The following C2CD3 variants were observed in gnomAD, a reference collection of about 807,000 sequenced individuals.
C2CD3 encodes the protein C2 domain-containing protein 3.
In C2CD3, 148 loss-of-function variants were observed where a neutral mutation model predicts 234.0. That is an observed-to-expected ratio of 0.63 (90% CI 0.55 to 0.72). C2CD3 has a LOEUF of 0.72. C2CD3 is among the 30% of genes least tolerant of loss of function. C2CD3 has a pLI of 0.00. For synonymous variants in C2CD3, 1,000 were observed against 1,035.4 expected (o/e 0.97, Z 0.66); for missense variants, 2,577 against 2,811.5 (o/e 0.92, Z 1.89).
chr11:74,093,586 T>C (rs1955983893), intron 18 of C2CD3, among the ~76,000 whole-genome samples: 1 of 152,144 alleles, frequency 6.6e-6, no homozygotes, highest in Non-Finnish European at 1.5e-5. Flanking sequence ...ACTTTCACTT[T>C]CAATGTAAGT....
chr11:74,092,018 T>C lies in C2CD3; in HGVS notation c.3517+398A>G, dbSNP rs936796510. Reference sequence around the variant, plus strand: ...AAGGGATGTTTATGTATACTGTATATTTTATATATATATATGTGTGTGTGT... The same window carrying C: ...AAGGGATGTTTATGTATACTGTATACTTTATATATATATATGTGTGTGTGT... On this transcript the variant is annotated intron_variant, in intron 19 of 32. Coordinates refer to ENST00000334126, the MANE Select transcript of C2CD3 (RefSeq NM_001286577.2). 8.6e-5 allele frequency among the ~76,000 whole-genome samples: 13 copies of C among 151,830 alleles called. No homozygotes were observed. The South Asian group carries it at 1.0e-3, about 12-fold the overall frequency.
At chr11:74,084,423 AAAGTAT>A (rs139623246) in intron 22 of C2CD3, among the ~76,000 whole-genome samples, 12,194 of 136,368 alleles carry the variant, frequency 0.089, 1,316 homozygotes, top group African/African-American at 0.27. Context: ...CCTAGAACTT[AAAGTAT>A]AATAAAAAAA....
Position 74,092,344 on chromosome 11 carries a change from C to T in C2CD3, c.3517+72G>A, listed in dbSNP as rs7941525. Reference sequence around the variant, plus strand: ...TGCTGGGATTAGAGGTGTGAACCACCGCACCCGGCTATTTTATATATTTTT... The same window carrying T: ...TGCTGGGATTAGAGGTGTGAACCACTGCACCCGGCTATTTTATATATTTTT... On this transcript the variant is annotated intron_variant, in intron 19 of 32. Transcript: ENST00000334126. The T allele has an allele frequency of 0.19, 263,472 of 1,410,754 alleles. 26,087 individuals are homozygous for T. Among genetic ancestry groups the T allele is most frequent in the East Asian group, 0.29 (12,161 of 42,602 alleles). 87.4% of individuals were successfully genotyped at this position (1,410,754 alleles called of 1,614,324 possible).
At chr11:74,030,825 G>GTGC (rs1165145207) in intron 31 of C2CD3, among the ~76,000 whole-genome samples, 1 of 152,144 alleles carries the variant, frequency 6.6e-6, no homozygotes. Context: ...ACCTGTCTAT[G>GTGC]TGCTGTTTCC....
intron 24 of C2CD3, among the ~76,000 whole-genome samples, chr11:74,063,576 C>T (rs1482333902): frequency 6.6e-6 from 1 of 152,194 alleles, no homozygotes; most frequent in East Asian, 1.9e-4. Flanking sequence ...CAAAATTCAA[C>T]AGCCCTTCAT....
chr11:74,042,806 C>T (rs1353944504), intron 28 of C2CD3, among the ~76,000 whole-genome samples: 1 of 151,322 alleles, frequency 6.6e-6, no homozygotes, highest in Non-Finnish European at 1.5e-5. Flanking sequence ...GTAATAATAA[C>T]AAGAGCAACA....
intron 7 of C2CD3, among the ~76,000 whole-genome samples, chr11:74,124,569 G>T (rs150807175): frequency 2.6e-5 from 4 of 151,830 alleles, no homozygotes; most frequent in Non-Finnish European, 4.4e-5. Flanking sequence ...GTTGGGGTGG[G>T]GAAAAATCAC....
At chr11:74,123,196 C>G (rs982902855) in intron 7 of C2CD3, 61 bp from the exon 8 acceptor site, 125 of 1,267,982 alleles carry the variant, frequency 9.9e-5, no homozygotes, top group Admixed American at 9.0e-4. Flanking sequence ...GAACTATTCT[C>G]TCTTTAGTGA....
Position 74,057,528 on chromosome 11 carries a change from C to T in C2CD3, c.4968G>A (p.Glu1656=). The T allele has an allele frequency of 1.2e-6, 2 of 1,614,152 alleles. No individual in the cohort carries two copies. Among genetic ancestry groups the T allele is most frequent in the East Asian group, 4.5e-5 (2 of 44,882 alleles). ...AACAACTGGGTATCGATACTTTCCG[C>T]TCTGTCAAGGGGCTCCCTGAAATAG... The part of the protein sequence containing the change: ...HLSLKGSPLT[E]RKVSIPSCCV... The change falls in exon 25 of 33, where the codon GAG becomes GAA. Residue 1656 remains glutamate (E), a synonymous_variant. Transcript: ENST00000334126.
intron 3 of C2CD3, among the ~76,000 whole-genome samples, chr11:74,156,027 G>A (rs1855992564): frequency 6.6e-6 from 1 of 152,064 alleles, no homozygotes; most frequent in African/African-American, 2.4e-5. Context: ...TGTAATCCCA[G>A]CACTTTGGGA....
chr11:74,140,826 G>C (rs1227755637), intron 3 of C2CD3, among the ~76,000 whole-genome samples: 1 of 152,154 alleles, frequency 6.6e-6, no homozygotes, highest in Non-Finnish European at 1.5e-5. Flanking sequence ...AGAGGGGTGA[G>C]GAGGGAGGAC....
rs570496582 is a variant in C2CD3 at position 74,067,407 on chromosome 11, T to C, written c.4951+6846A>G. 1.9e-3 allele frequency among the ~76,000 whole-genome samples: 287 copies of C among 152,070 alleles called. 1 individual carries two copies. The highest frequency in any genetic ancestry group is 0.01 in the South Asian group (49 of 4,818). On this transcript the variant is annotated intron_variant, in intron 24 of 32. Coordinates refer to ENST00000334126, the MANE Select transcript of C2CD3 (RefSeq NM_001286577.2). ...TAGAACCGGGAAAGCATTAAAGATA[T>C]AGAGAACTATATGAGGAGCAAAACA...
rs1565369049 is a variant in C2CD3 at position 74,170,871 on chromosome 11, G to A, written c.-79C>T. The A allele has an allele frequency of 2.1e-5, 34 of 1,599,680 alleles. 1 individual carries two copies. The South Asian group carries it at 3.8e-4, about 18-fold the overall frequency. ...GTATCCTCCCGCCATCCCTCCCCACGGCGCCTGCGTTCCCCGGCAACCGGC... is the reference window on the plus strand; with the variant it reads ...GTATCCTCCCGCCATCCCTCCCCACAGCGCCTGCGTTCCCCGGCAACCGGC... On this transcript the variant is annotated 5_prime_UTR_variant, in exon 1 of 33. Transcript: ENST00000334126.
intron 1 of C2CD3, among the ~76,000 whole-genome samples, chr11:74,170,509 C>T (rs1213552541): frequency 6.6e-6 from 1 of 152,198 alleles, no homozygotes; most frequent in African/African-American, 2.4e-5. Flanking sequence ...GTCATCCTAC[C>T]GGTAACCTTC....
chr11:74,163,026 G>C (rs1856574394), intron 2 of C2CD3, among the ~76,000 whole-genome samples: 1 of 152,186 alleles, frequency 6.6e-6, no homozygotes, highest in Admixed American at 6.5e-5. Context: ...GCCCAGAGGA[G>C]AAGAAATATA....
intron 22 of C2CD3, among the ~76,000 whole-genome samples, chr11:74,080,780 C>T (rs1464352046): frequency 6.6e-6 from 1 of 152,130 alleles, no homozygotes; most frequent in Non-Finnish European, 1.5e-5. Context: ...AGGTATCCTA[C>T]GTACCTAGCC....
At chr11:74,027,913 C>G (rs1952370034) in intron 32 of C2CD3, among the ~76,000 whole-genome samples, 1 of 152,118 alleles carries the variant, frequency 6.6e-6, no homozygotes. Flanking sequence ...TATTATTCTC[C>G]TCATCCAGAT....
In C2CD3 at chr11:74,043,696, T is replaced by C. The variant is rs561853606; in HGVS notation, c.5496-1478A>G. Among the ~76,000 whole-genome samples, 5 of 152,274 alleles carry C rather than the reference T, an allele frequency of 3.3e-5. No individual in the cohort carries two copies. In the South Asian group the frequency reaches 8.3e-4, roughly 25 times the overall value. ...CTAGTGGATATAAAGTGGTACCTCA[T>C]TGTGGTTTTGATTTGCATCTTTTAC... On this transcript the variant is annotated intron_variant, in intron 28 of 32. Coordinates refer to ENST00000334126, the MANE Select transcript of C2CD3 (RefSeq NM_001286577.2).
Position 74,096,119 on chromosome 11 carries a change from C to G in C2CD3, c.2980-711G>C, listed in dbSNP as rs139571985. ...TTGAGGATTTACTATGAACCAGGCA[C>G]TATACCAAACAGCTCACCTTCATTA... On this transcript the variant is annotated intron_variant, in intron 16 of 32. Coordinates refer to ENST00000334126, the MANE Select transcript of C2CD3 (RefSeq NM_001286577.2). 3.0e-3 allele frequency among the ~76,000 whole-genome samples: 450 copies of G among 152,324 alleles called. 1 individual carries two copies. The highest frequency in any genetic ancestry group is 5.2e-3 in the Non-Finnish European group (356 of 68,018).
Sources: allele counts gnomAD v4.1 joint callset (sites outside exome capture counted in the v4.1 genomes callset), GRCh38; gene constraint gnomAD v4.1.1; transcripts MANE v1.5; gene names NCBI Gene and HGNC (gene_info 2026-07-23, HGNC 2026-07-21).